The following CREB5 variants were observed in gnomAD, a reference collection of about 807,000 sequenced individuals.
CREB5 encodes cAMP responsive element binding protein 5.
CREB5 carries 19 observed loss-of-function variants against 57.1 expected under a neutral mutation model. The ratio of observed to expected loss-of-function variants is 0.33; its 90% confidence interval spans 0.23 to 0.49. CREB5 has a LOEUF of 0.49. Ranked by LOEUF, CREB5 falls within the 20% of genes least tolerant of loss-of-function variation. The pLI, the probability that CREB5 is intolerant of heterozygous loss-of-function variation, is 0.99. For missense variants in CREB5, 579 were observed against 671.6 expected (o/e 0.86, Z 1.52); for synonymous variants, 238 against 238.3 (o/e 1.00, Z 0.01).
chr7:28,459,481 C>G (rs954775331), intron 1 of CREB5, among the ~76,000 whole-genome samples: 6 of 151,986 alleles, frequency 3.9e-5, no homozygotes, highest in African/African-American at 1.5e-4. Flanking sequence ...TGGAAAGGGC[C>G]CTTCAAAGGG....
intron 2 of CREB5, among the ~76,000 whole-genome samples, chr7:28,489,925 A>T (rs1791726085): frequency 6.6e-6 from 1 of 152,230 alleles, no homozygotes; most frequent in Non-Finnish European, 1.5e-5. Flanking sequence ...TTCATTGTGG[A>T]TGCAGAATGT....
intron 5 of CREB5, among the ~76,000 whole-genome samples, chr7:28,607,682 A>G (rs1377613372): frequency 1.3e-5 from 2 of 152,054 alleles, no homozygotes; most frequent in South Asian, 2.1e-4. Flanking sequence ...GTTGAACCAC[A>G]AAATGATAAA....
intron 4 of CREB5, among the ~76,000 whole-genome samples, chr7:28,545,375 T>C (rs1002976644): frequency 6.6e-6 from 1 of 152,248 alleles, no homozygotes; most frequent in Non-Finnish European, 1.5e-5. Flanking sequence ...AGTTACTTCA[T>C]TGATTGCCTA....
chr7:28,407,855 A>T (rs1787617416), upstream of CREB5, among the ~76,000 whole-genome samples: 2 of 152,254 alleles, frequency 1.3e-5, no homozygotes, highest in African/African-American at 4.8e-5. Flanking sequence ...GTTTCTAGCC[A>T]GTCCAGTCAT....
rs140637029 is a variant in CREB5 at position 28,463,163 on chromosome 7, C to T, written c.4-25012C>T. 1.6e-3 allele frequency among the ~76,000 whole-genome samples: 236 copies of T among 152,110 alleles called. 3 individuals carry two copies. The highest frequency in any genetic ancestry group is 0.01 in the Middle Eastern group (3 of 294). ...TTTACTTATGGGTACCCAGTTGTCTCGGCATCATTTATTGAAAAGATTGTT... is the reference window on the plus strand; with the variant it reads ...TTTACTTATGGGTACCCAGTTGTCTTGGCATCATTTATTGAAAAGATTGTT... On this transcript the variant is annotated intron_variant, in intron 1 of 10. Transcript: ENST00000357727.
chr7:28,806,939 A>G (rs1246938157), intron 8 of CREB5, among the ~76,000 whole-genome samples: 6 of 152,252 alleles, frequency 3.9e-5, no homozygotes, highest in Admixed American at 1.3e-4. Flanking sequence ...AGGCAAAAAT[A>G]TCCGAGCAGT....
At chr7:28,750,331 A>C (rs975458346) in intron 7 of CREB5, among the ~76,000 whole-genome samples, 2 of 152,196 alleles carry the variant, frequency 1.3e-5, no homozygotes, top group African/African-American at 4.8e-5. Context: ...TTTGGCATTT[A>C]AAAGGAGTTT....
chr7:28,643,467 C>T (rs1798761474), intron 5 of CREB5, among the ~76,000 whole-genome samples: 1 of 152,126 alleles, frequency 6.6e-6, no homozygotes, highest in African/African-American at 2.4e-5. Context: ...CCATAGTAAC[C>T]TTTGGCTGTC....
At chr7:28,421,852 TCTCTCTATATATACC>T (rs1369527840) in intron 1 of CREB5, among the ~76,000 whole-genome samples, 296 of 24,098 alleles carry the variant, frequency 0.012, no homozygotes, top group Non-Finnish European at 0.019. Context: ...ACACACTCTC[TCTCTCTATATATACC>T]ATATATATGG....
chr7:28,559,356 C>T (rs1156613136), intron 4 of CREB5, among the ~76,000 whole-genome samples: 1 of 152,258 alleles, frequency 6.6e-6, no homozygotes, highest in East Asian at 1.9e-4. Flanking sequence ...TGGCTGTCAC[C>T]CAGGCTGGAG....
intron 4 of CREB5, 123 bp from the exon 5 acceptor site, chr7:28,570,242 C>T (rs976987227): frequency 4.5e-5 from 46 of 1,011,954 alleles, no homozygotes; most frequent in Non-Finnish European, 6.1e-5. Flanking sequence ...TATGGCTTGC[C>T]GGAAGCCATA....
intron 5 of CREB5, among the ~76,000 whole-genome samples, chr7:28,679,052 C>CTTTTTTTTT (rs56266854): frequency 6.5e-5 from 8 of 123,858 alleles, no homozygotes; most frequent in East Asian, 2.5e-4. Flanking sequence ...TTTTGTAGTT[C>CTTTTTTTTT]TTTTTTTTTT....
intron 7 of CREB5, among the ~76,000 whole-genome samples, chr7:28,793,850 G>A (rs1807872095): frequency 1.3e-5 from 2 of 152,242 alleles, no homozygotes; most frequent in Admixed American, 1.3e-4. Context: ...TGTGTAGCTA[G>A]AGTTGCTCTC....
chr7:28,605,095 C>T (rs1051366398), intron 5 of CREB5, among the ~76,000 whole-genome samples: 1 of 151,940 alleles, frequency 6.6e-6, no homozygotes, highest in Non-Finnish European at 1.5e-5. Flanking sequence ...CATGAAGGAA[C>T]AAGAGCCTAA....
At chr7:28,393,515 T>C (rs942969471) in intron 1 of CREB5, among the ~76,000 whole-genome samples, 2 of 152,198 alleles carry the variant, frequency 1.3e-5, no homozygotes, top group African/African-American at 4.8e-5. Context: ...CCTAGTCTTA[T>C]TGTGGTGAAA....
At chr7:28,390,948 A>C (rs543888465) in intron 1 of CREB5, among the ~76,000 whole-genome samples, 16 of 152,176 alleles carry the variant, frequency 1.1e-4, no homozygotes, top group African/African-American at 3.4e-4. Context: ...ATATAATATA[A>C]TATAATATAA....
chr7:28,452,619 A>G (rs955905643), intron 1 of CREB5, among the ~76,000 whole-genome samples: 1 of 152,174 alleles, frequency 6.6e-6, no homozygotes, highest in Non-Finnish European at 1.5e-5. Flanking sequence ...TACCATCCCT[A>G]GACCTGCAGG....
At chr7:28,337,850 T>C (rs1785856911) in intron 1 of CREB5, among the ~76,000 whole-genome samples, 2 of 152,148 alleles carry the variant, frequency 1.3e-5, no homozygotes, top group African/African-American at 2.4e-5. Flanking sequence ...TCTTGCTTTT[T>C]ATGTTTTGTG....
chr7:28,626,483 A>G (rs1798000523), intron 5 of CREB5, among the ~76,000 whole-genome samples: 1 of 152,180 alleles, frequency 6.6e-6, no homozygotes, highest in African/African-American at 2.4e-5. Flanking sequence ...CCAAGACCTG[A>G]GAGGTTAAGT....
Sources: allele counts gnomAD v4.1 joint callset (sites outside exome capture counted in the v4.1 genomes callset), GRCh38; gene constraint gnomAD v4.1.1; transcripts MANE v1.5; gene names NCBI Gene and HGNC (gene_info 2026-07-23, HGNC 2026-07-21).